The following SETBP1 variants were observed in gnomAD, a reference collection of about 807,000 sequenced individuals.
SETBP1 encodes the protein SET binding protein 1.
In SETBP1, 9 loss-of-function variants were observed where a neutral mutation model predicts 101.0. That is an observed-to-expected ratio of 0.09 (90% confidence interval 0.05 to 0.16). SETBP1 has a LOEUF of 0.16. SETBP1 is among the 10% of genes least tolerant of loss of function. The pLI is 1.00. For missense variants in SETBP1, 1,858 were observed against 2,033.8 expected (o/e 0.91, Z 1.66); for synonymous variants, 818 against 788.5 (o/e 1.04, Z -0.63).
At chr18:44,846,201 A>T (rs1456285132) in intron 2 of SETBP1, among the ~76,000 whole-genome samples, 8 of 152,230 alleles carry the variant, frequency 5.3e-5, no homozygotes, top group Admixed American at 1.3e-4. Context: ...TGAATTTTTT[A>T]AAAATAATCC....
chr18:44,742,926 A>C (rs1279644284), intron 2 of SETBP1, among the ~76,000 whole-genome samples: 1 of 148,960 alleles, frequency 6.7e-6, no homozygotes, highest in Non-Finnish European at 1.5e-5. Flanking sequence ...CTGCCTCCTC[A>C]TTGTGTCTGG....
At chr18:44,775,701 A>T (rs2070985881) in intron 2 of SETBP1, among the ~76,000 whole-genome samples, 1 of 147,408 alleles carries the variant, frequency 6.8e-6, no homozygotes, top group Admixed American at 6.8e-5. Flanking sequence ...AAGTGTAGAG[A>T]GCACCATTTT....
intron 2 of SETBP1, among the ~76,000 whole-genome samples, chr18:44,819,070 C>T (rs1208854158): frequency 1.3e-5 from 2 of 152,008 alleles, no homozygotes; most frequent in Non-Finnish European, 2.9e-5. Context: ...AGTAGTTGCA[C>T]AGCTTTTTAT....
intron 3 of SETBP1, among the ~76,000 whole-genome samples, chr18:44,945,486 A>G (rs4890493): frequency 0.74 from 112,360 of 152,124 alleles, 41,778 homozygotes; most frequent in African/African-American, 0.81. Flanking sequence ...GGCTCAATGT[A>G]CATGGAAAAC....
intron 3 of SETBP1, among the ~76,000 whole-genome samples, chr18:44,901,997 T>G (rs1253110586): frequency 3.9e-5 from 6 of 152,204 alleles, no homozygotes; most frequent in Admixed American, 1.3e-4. Context: ...CTCATGTCTG[T>G]CTAGAGCTGT....
At chr18:44,919,228 A>C (rs552803161) in intron 3 of SETBP1, among the ~76,000 whole-genome samples, 1 of 152,154 alleles carries the variant, frequency 6.6e-6, no homozygotes, top group South Asian at 2.1e-4. Context: ...TAGGGTTCTG[A>C]CTCTGCAGGT....
intron 3 of SETBP1, among the ~76,000 whole-genome samples, chr18:44,934,262 C>T (rs1399459082): frequency 6.6e-6 from 1 of 152,028 alleles, no homozygotes; most frequent in Non-Finnish European, 1.5e-5. Flanking sequence ...GATTCTCCTG[C>T]CTCAGCCTCC....
At chr18:44,919,794 T>A (rs914574804) in intron 3 of SETBP1, among the ~76,000 whole-genome samples, 2 of 152,038 alleles carry the variant, frequency 1.3e-5, no homozygotes, top group African/African-American at 4.8e-5. Flanking sequence ...CATATGCATA[T>A]ACACACATAT....
chr18:45,028,347 T>C (rs1313385606), intron 4 of SETBP1, among the ~76,000 whole-genome samples: 1 of 152,102 alleles, frequency 6.6e-6, no homozygotes, highest in African/African-American at 2.4e-5. Context: ...AACTCATCAT[T>C]TTTTATGGCT....
intron 2 of SETBP1, among the ~76,000 whole-genome samples, chr18:44,831,464 G>C (rs912695753): frequency 6.6e-5 from 10 of 152,160 alleles, no homozygotes; most frequent in Non-Finnish European, 1.2e-4. Context: ...CAATGATCTT[G>C]CCAAAGTTTG....
intron 2 of SETBP1, among the ~76,000 whole-genome samples, chr18:44,719,907 G>A (rs889611473): frequency 1.6e-4 from 24 of 152,194 alleles, no homozygotes; most frequent in African/African-American, 5.6e-4. Flanking sequence ...GGCAGTGGAG[G>A]CAAAGATCTG....
At position 44,706,591 on chromosome 18, in the gene SETBP1, C is replaced by CAAAAAAAAAA. The variant is rs1018470585; in HGVS notation, c.486+4785_486+4794dup. ...TGGGTGACAGAATGAGACTCAATCT[C>CAAAAAAAAAA]AAAAAAAAAAAAAAAAAAAAAAAAA... is the stretch of plus-strand genomic sequence containing the variant. On this transcript the variant is annotated intron_variant, in intron 2 of 5. Transcript: ENST00000649279. Among the ~76,000 whole-genome samples the CAAAAAAAAAA allele has an allele frequency of 1.8e-3, 31 of 16,972 alleles. 2 individuals are homozygous for CAAAAAAAAAA. Among genetic ancestry groups the CAAAAAAAAAA allele is most frequent in the South Asian group, 4.2e-3 (1 of 236 alleles). 11.1% of individuals were successfully genotyped at this position (16,972 alleles called of 152,430 possible). A position where few individuals can be genotyped will look rare whatever the true frequency, so the allele number is the denominator to read the frequency against.
Position 44,976,452 on chromosome 18 carries a change from G to A in SETBP1, c.4000+23112G>A, listed in dbSNP as rs561341876. Among the ~76,000 whole-genome samples, 143 of 152,262 alleles carry A rather than the reference G, an allele frequency of 9.4e-4. 2 individuals carry two copies. In the Middle Eastern group the frequency reaches 0.014, roughly 14 times the overall value. ...ATGGTCTGGTGTAAACTCAGGAAAG[G>A]CAGGCTGCTGGGAAGTAAACTGGCC... On this transcript the variant is annotated intron_variant, in intron 4 of 5. Coordinates refer to ENST00000649279, the MANE Select transcript of SETBP1 (RefSeq NM_015559.3).
chr18:44,959,556 A>G (rs1292679343), intron 4 of SETBP1, among the ~76,000 whole-genome samples: 6 of 152,196 alleles, frequency 3.9e-5, no homozygotes, highest in Non-Finnish European at 8.8e-5. Context: ...AGAGACTACA[A>G]TCCAGGAGGA....
intron 4 of SETBP1, among the ~76,000 whole-genome samples, chr18:44,994,129 T>C (rs763906165): frequency 2.0e-5 from 3 of 152,086 alleles, no homozygotes; most frequent in Non-Finnish European, 4.4e-5. Flanking sequence ...TTTAAAGAAC[T>C]GCTAGAGTTT....
chr18:44,945,350 G>A (rs1405159783), intron 3 of SETBP1, among the ~76,000 whole-genome samples: 1 of 152,166 alleles, frequency 6.6e-6, no homozygotes, highest in Non-Finnish European at 1.5e-5. Flanking sequence ...AACTTATAGG[G>A]GAGAGAATAG....
intron 3 of SETBP1, among the ~76,000 whole-genome samples, chr18:44,920,045 A>G (rs1201384760): frequency 6.6e-6 from 1 of 152,202 alleles, no homozygotes; most frequent in Non-Finnish European, 1.5e-5. Flanking sequence ...CAGACTGGGT[A>G]ATTTATAAGG....
intron 5 of SETBP1, among the ~76,000 whole-genome samples, chr18:45,046,903 T>C (rs1599491498): frequency 1.3e-5 from 2 of 152,250 alleles, no homozygotes; most frequent in Admixed American, 1.3e-4. Flanking sequence ...GGGTGCTTAG[T>C]AGATACTCAA....
At chr18:44,874,390 G>A (rs539285742) in intron 3 of SETBP1, among the ~76,000 whole-genome samples, 1 of 152,312 alleles carries the variant, frequency 6.6e-6, no homozygotes, top group African/African-American at 2.4e-5. Context: ...AAGTTTGAGG[G>A]CAGAGAAGAG....
Sources: gnomAD v4.1 joint callset for allele counts (sites outside exome capture counted in the v4.1 genomes callset) on GRCh38, gnomAD v4.1.1 for gene constraint, MANE v1.5 for transcripts, NCBI Gene and HGNC (gene_info 2026-07-23, HGNC 2026-07-21) for gene names.